Variants in LUC7L2 observed in about 807,000 individuals in gnomAD.
The protein encoded by LUC7L2 is LUC7 like 2, pre-mRNA splicing factor.
A neutral mutation model predicts 52.8 loss-of-function variants in LUC7L2; 25 were observed. The observed-to-expected ratio is 0.47, with a 90% CI of 0.34 to 0.66. The LOEUF (loss-of-function observed/expected upper bound fraction) is 0.66, where lower values mean the gene tolerates loss of function less well. Ranked by LOEUF, LUC7L2 falls within the 30% of genes least tolerant of loss-of-function variation. LUC7L2 has a pLI of 0.01. For synonymous variants in LUC7L2, 144 were observed against 160.9 expected (o/e 0.89, Z 0.80); for missense variants, 328 against 497.8 (o/e 0.66, Z 3.25).
intron 2 of LUC7L2, among the ~76,000 whole-genome samples, chr7:139,385,125 G>A (rs561058970): frequency 3.3e-5 from 5 of 152,060 alleles, no homozygotes; most frequent in African/African-American, 7.2e-5. Context: ...ACAGATATAC[G>A]TTCATATGGG....
At chr7:139,373,150 C>G (rs2131207454) in intron 1 of LUC7L2, among the ~76,000 whole-genome samples, 1 of 152,256 alleles carries the variant, frequency 6.6e-6, no homozygotes, top group East Asian at 1.9e-4. Flanking sequence ...GGCCAGATAT[C>G]TTGACAGAAA....
At position 139,391,776 on chromosome 7, in the gene LUC7L2, G is replaced by A. The variant is rs927692169; in HGVS notation, c.157-6823G>A. Reference sequence around the variant, plus strand: ...TAATTTTTATATTTTTGGTAGAGACGGGGTTTCACCATGTTTGCCAGGCTG... The same window carrying A: ...TAATTTTTATATTTTTGGTAGAGACAGGGTTTCACCATGTTTGCCAGGCTG... On this transcript the variant is annotated intron_variant, in intron 2 of 9. Transcript: ENST00000354926. 7.2e-5 allele frequency among the ~76,000 whole-genome samples: 11 copies of A among 152,122 alleles called. No homozygotes were observed. The Middle Eastern group carries it at 0.01, about 141-fold the overall frequency.
In LUC7L2 at chr7:139,395,719, CA is replaced by C. The variant is rs1442281025; in HGVS notation, c.157-2879del. On this transcript the variant is annotated intron_variant, in intron 2 of 9. Coordinates refer to ENST00000354926, the MANE Select transcript of LUC7L2 (RefSeq NM_016019.5). ...GCAGTGGCATGATCACAGCTTACTG[CA>C]GCTTTGACCTCCAGAGCTCAAGTGA... Among the ~76,000 whole-genome samples the C allele has an allele frequency of 2.0e-5, 3 of 152,306 alleles. No homozygotes were observed. The East Asian group carries it at 5.8e-4, about 29-fold the overall frequency.
intron 1 of LUC7L2, among the ~76,000 whole-genome samples, chr7:139,341,723 G>C (rs901231476): frequency 1.3e-5 from 2 of 152,196 alleles, no homozygotes; most frequent in South Asian, 2.1e-4. Flanking sequence ...CAGCGGGGGG[G>C]GGCGCAGAGT....
intron 2 of LUC7L2, among the ~76,000 whole-genome samples, chr7:139,379,765 C>T (rs1393440000): frequency 6.6e-6 from 1 of 151,580 alleles, no homozygotes; most frequent in Non-Finnish European, 1.5e-5. Flanking sequence ...AGGGTTTCAT[C>T]TTGTTGGCCA....
chr7:139,364,588 T>C (rs17160875), intron 1 of LUC7L2, among the ~76,000 whole-genome samples: 8,611 of 152,294 alleles, frequency 0.057, 563 homozygotes, highest in African/African-American at 0.15. Context: ...ACAGTAGTTA[T>C]AGTTTGTGGG....
At chr7:139,371,846 G>C (rs1800469229) in intron 1 of LUC7L2, among the ~76,000 whole-genome samples, 1 of 152,126 alleles carries the variant, frequency 6.6e-6, no homozygotes, top group African/African-American at 2.4e-5. Flanking sequence ...GACTGCCTTA[G>C]GCTCTGATAC....
At chr7:139,407,739 C>A (rs1380260627) in intron 6 of LUC7L2, among the ~76,000 whole-genome samples, 2 of 152,012 alleles carry the variant, frequency 1.3e-5, no homozygotes, top group African/African-American at 4.8e-5. Context: ...TTTTGCAATT[C>A]TTTATTAAAT....
intron 8 of LUC7L2, among the ~76,000 whole-genome samples, chr7:139,415,781 A>G (rs1795569454): frequency 6.6e-6 from 1 of 151,696 alleles, no homozygotes; most frequent in Non-Finnish European, 1.5e-5. Flanking sequence ...GGGATTACAG[A>G]CACAAGCTAT....
chr7:139,404,233 G>A (rs1434485702), intron 4 of LUC7L2, among the ~76,000 whole-genome samples: 1 of 152,178 alleles, frequency 6.6e-6, no homozygotes, highest in Non-Finnish European at 1.5e-5. Flanking sequence ...CCTTCGGCCG[G>A]GCGTGGTGGC....
chr7:139,387,514 G>T (rs118175833), intron 2 of LUC7L2, among the ~76,000 whole-genome samples: 1 of 151,966 alleles, frequency 6.6e-6, no homozygotes, highest in Non-Finnish European at 1.5e-5. Flanking sequence ...TTTTTTATAC[G>T]AGAGCTCTTG....
chr7:139,352,662 T>C lies in LUC7L2; in HGVS notation c.-26+12145T>C, dbSNP rs914692669. Among the ~76,000 whole-genome samples, 4 of 152,218 alleles carry C rather than the reference T, an allele frequency of 2.6e-5. No individual in the cohort carries two copies. The East Asian group carries it at 7.7e-4, about 29-fold the overall frequency. ...ACTTCAGATATTAATACATTTTCAC[T>C]AGAACTGAGGATGTTTCTGGCTATA... On this transcript the variant is annotated intron_variant, in intron 1 of 10. Transcript: ENST00000541170.
At chr7:139,349,623 C>T (rs577206714) in intron 1 of LUC7L2, among the ~76,000 whole-genome samples, 1 of 151,086 alleles carries the variant, frequency 6.6e-6, no homozygotes, top group Non-Finnish European at 1.5e-5. Context: ...CTCCCCCCCC[C>T]CCCACCGGAT....
At chr7:139,343,791 C>T (rs1164450312) in intron 1 of LUC7L2, among the ~76,000 whole-genome samples, 3 of 151,658 alleles carry the variant, frequency 2.0e-5, no homozygotes, top group South Asian at 2.1e-4. Flanking sequence ...AAAAATTAGC[C>T]GGATATGGTG....
intron 9 of LUC7L2, among the ~76,000 whole-genome samples, chr7:139,420,975 T>C (rs1360512483): frequency 6.6e-6 from 1 of 152,194 alleles, no homozygotes. Context: ...ATTTTTTGTA[T>C]TTTAAGTAGA....
chr7:139,359,890 G>A (rs1799770193), upstream of LUC7L2: 3 of 417,276 alleles, frequency 7.2e-6, no homozygotes, highest in Non-Finnish European at 1.3e-5. Context: ...CGAGGAGCGT[G>A]CGCGCTCCCG....
At chr7:139,379,065 C>T (rs1400583507) in intron 2 of LUC7L2, among the ~76,000 whole-genome samples, 2 of 152,130 alleles carry the variant, frequency 1.3e-5, no homozygotes, top group Non-Finnish European at 2.9e-5. Context: ...CCATGTTGGT[C>T]GGGCTGGTCT....
At chr7:139,353,981 T>C (rs967427690) in intron 1 of LUC7L2, among the ~76,000 whole-genome samples, 4 of 151,782 alleles carry the variant, frequency 2.6e-5, no homozygotes, top group Non-Finnish European at 4.4e-5. Context: ...CTGGGCTTGG[T>C]GGCTGGCACT....
At chr7:139,358,076 C>T (rs899229809), upstream of LUC7L2, among the ~76,000 whole-genome samples, 3 of 152,070 alleles carry the variant, frequency 2.0e-5, no homozygotes, top group Non-Finnish European at 4.4e-5. Flanking sequence ...GGCATAATCT[C>T]GGCTTACTGC....
Sources: allele counts gnomAD v4.1 joint callset (sites outside exome capture counted in the v4.1 genomes callset), GRCh38; gene constraint gnomAD v4.1.1; transcripts MANE v1.5; gene names NCBI Gene and HGNC (gene_info 2026-07-23, HGNC 2026-07-21).